ZNF273: variants seen among roughly 807,000 people sequenced by gnomAD.
The protein encoded by ZNF273 is zinc finger protein 9.
In ZNF273, 11 loss-of-function variants were observed where a neutral mutation model predicts 14.9. The observed-to-expected ratio is 0.74, with a 90% CI of 0.46 to 1.22. ZNF273 has a LOEUF of 1.22. ZNF273 is among the 50% of genes most tolerant of loss of function. The pLI is 0.00. For synonymous variants in ZNF273, 199 were observed against 223.9 expected, an observed-to-expected ratio of 0.89 and a Z score of 0.99; for missense variants, 577 against 660.6, an observed-to-expected ratio of 0.87 and a Z score of 1.39.
chr7:64,915,148 A>G (rs780806697), intron 1 of ZNF273, among the ~76,000 whole-genome samples: 5 of 152,100 alleles, frequency 3.3e-5, no homozygotes, highest in African/African-American at 9.7e-5. Context: ...CTTTCTCTAC[A>G]TCGTGGCTTC....
chr7:64,909,116 ATGT>A (rs1182241553), intron 1 of ZNF273, among the ~76,000 whole-genome samples: 1 of 151,892 alleles, frequency 6.6e-6, no homozygotes, highest in African/African-American at 2.4e-5. Flanking sequence ...GGGTTTTGCC[ATGT>A]TGTCCCAGGC....
intron 3 of ZNF273, chr7:64,923,545 T>C (rs1254973488): frequency 5.8e-6 from 2 of 345,562 alleles, no homozygotes; most frequent in Non-Finnish European, 1.1e-5. Context: ...TTTCACCATG[T>C]TGGCCAGGCT....
chr7:64,889,156 G>A (rs535615955), downstream of ZNF273: 174 of 985,950 alleles, frequency 1.8e-4, no homozygotes, highest in Middle Eastern at 5.2e-3. This position sits in a 1 kb window ranked among gnomAD's most constrained non-coding sequence, Gnocchi z 4.2. Context: ...CGCCCGGGCT[G>A]AGCTGAGCTC....
intron 3 of ZNF273, among the ~76,000 whole-genome samples, chr7:64,926,150 C>CTT (rs755107397): frequency 1.2e-4 from 12 of 103,872 alleles, no homozygotes; most frequent in Non-Finnish European, 1.9e-4. Context: ...CACTTGGCAG[C>CTT]TTTTTTTTTT....
rs2129026727 is a variant in ZNF273 at position 64,878,720 on chromosome 7, T to G, written n.330+225T>G. On this transcript the variant is annotated intron_variant and non_coding_transcript_variant, in intron 2 of 2. Coordinates refer to the ZNF273 transcript ENST00000465954. ...TCTGGCCGGCTCTTCCTTTGGACTTTCATTCCCGGAGCCACATGGCAGTGG... is the reference window on the plus strand; with the variant it reads ...TCTGGCCGGCTCTTCCTTTGGACTTGCATTCCCGGAGCCACATGGCAGTGG... Among the ~76,000 whole-genome samples, 3 of 152,350 alleles carry G rather than the reference T, an allele frequency of 2.0e-5. No homozygotes were observed. In the East Asian group the frequency reaches 5.8e-4, roughly 29 times the overall value.
Position 64,927,851 on chromosome 7 carries a change from A to G in ZNF273, c.523A>G (p.Ser175Gly). The G allele has an allele frequency of 6.2e-7, 1 of 1,614,058 alleles. No individual in the cohort carries two copies. Among genetic ancestry groups the G allele is most frequent in the Non-Finnish European group, 8.5e-7 (1 of 1,179,962 alleles). ...TAACCAATGTTTGACAACTACCCAGAGCAAAATATTTCAATGTGATAAATA... is the reference window on the plus strand; with the variant it reads ...TAACCAATGTTTGACAACTACCCAGGGCAAAATATTTCAATGTGATAAATA... ...GLNQCLTTTQ[S>G]KIFQCDKYVK... Residue 175 changes from serine to glycine, a missense_variant, in exon 4 of 4, where the codon AGC (serine) becomes GGC (glycine). Physicochemically the swap from Ser to Gly is moderately conservative, Grantham distance 56. Coordinates refer to ENST00000476120, the MANE Select transcript of ZNF273 (RefSeq NM_021148.3).
chr7:64,888,176 G>A lies in ZNF273; in HGVS notation n.274-397G>A, dbSNP rs769635245. Among the ~76,000 whole-genome samples the A allele has an allele frequency of 4.6e-5, 7 of 152,194 alleles. No individual in the cohort carries two copies. The South Asian group carries it at 1.2e-3, about 27-fold the overall frequency. On this transcript the variant is annotated intron_variant and non_coding_transcript_variant, in intron 1 of 1. Transcript: ENST00000471926. The stretch of plus-strand genomic sequence containing the variant: ...CTTCTTCCACCTGGGGAGCCCCCGG[G>A]GCCCTCATTTCACCCCATTCCCTGA...
intron 1 of ZNF273, among the ~76,000 whole-genome samples, chr7:64,885,697 G>C (rs1213683894): frequency 6.6e-6 from 1 of 152,186 alleles, no homozygotes; most frequent in Admixed American, 6.5e-5. Context: ...TGATGCAGGA[G>C]GGACAGGGTC....
At chr7:64,912,931 T>C (rs1241271506) in intron 1 of ZNF273, among the ~76,000 whole-genome samples, 1 of 149,900 alleles carries the variant, frequency 6.7e-6, no homozygotes, top group Non-Finnish European at 1.5e-5. Flanking sequence ...TGGGTTCAAG[T>C]GATTCTCTTG....
downstream of ZNF273, among the ~76,000 whole-genome samples, chr7:64,893,098 T>A (rs1022421838): frequency 3.0e-5 from 3 of 101,094 alleles, no homozygotes; most frequent in Non-Finnish European, 4.0e-5. Flanking sequence ...TTCAGGCTGA[T>A]CTTTGTTAGT....
chr7:64,904,544 C>T (rs1362725013), intron 1 of ZNF273, among the ~76,000 whole-genome samples: 1 of 152,162 alleles, frequency 6.6e-6, no homozygotes, highest in Admixed American at 6.6e-5. Context: ...AGACTACTCC[C>T]CACCCCCAAT....
intron 1 of ZNF273, among the ~76,000 whole-genome samples, chr7:64,910,670 T>C (rs1269899767): frequency 6.6e-6 from 1 of 152,124 alleles, no homozygotes; most frequent in Non-Finnish European, 1.5e-5. Flanking sequence ...TATTCAAGTT[T>C]TGTTTGTTTT....
intron 1 of ZNF273, among the ~76,000 whole-genome samples, chr7:64,887,643 G>A (rs7455565): frequency 0.44 from 62,977 of 142,450 alleles, 13,277 homozygotes; most frequent in South Asian, 0.5. Flanking sequence ...GATTACAGGC[G>A]CCCGCCACTA....
chr7:64,928,330 T>G lies in ZNF273; in HGVS notation c.1002T>G (p.Thr334=), dbSNP rs752962691. ...GKGFSIFSTL[T]KHKIIHTGEK... ...GCTTTAGTATATTCTCAACCCTTAC[T>G]AAACATAAGATAATTCATACTGGAG... Residue 334 remains threonine, a synonymous_variant, in exon 4 of 4, where the codon ACT becomes ACG. Coordinates refer to ENST00000476120, the MANE Select transcript of ZNF273 (RefSeq NM_021148.3). The G allele has an allele frequency of 6.2e-7, 1 of 1,613,722 alleles. No homozygotes were observed.
chr7:64,926,893 T>C (rs962100269), intron 3 of ZNF273, among the ~76,000 whole-genome samples: 44 of 152,328 alleles, frequency 2.9e-4, no homozygotes, highest in African/African-American at 8.9e-4. Context: ...TTGTCTGTGG[T>C]ACTGCAGTTT....
chr7:64,910,195 A>G (rs1035051873), intron 1 of ZNF273, among the ~76,000 whole-genome samples: 1 of 151,504 alleles, frequency 6.6e-6, no homozygotes, highest in African/African-American at 2.4e-5. Flanking sequence ...TTATTTGTCC[A>G]TTTCTGCTTT....
In ZNF273 at chr7:64,903,495, A is replaced by C. The variant is rs576159059; in HGVS notation, c.102+76A>C. On this transcript the variant is annotated intron_variant, in intron 1 of 3. Coordinates refer to ENST00000476120, the MANE Select transcript of ZNF273 (RefSeq NM_021148.3). Reference sequence around the variant, plus strand: ...ACTGGTGGGAAGTGGATGTGGCGAGACTCCGGCCTCCCTGCAGTAGACTCC... The same window carrying C: ...ACTGGTGGGAAGTGGATGTGGCGAGCCTCCGGCCTCCCTGCAGTAGACTCC... The C allele has an allele frequency of 5.7e-5, 80 of 1,405,712 alleles. No individual in the cohort carries two copies. In the African/African-American group the frequency reaches 7.5e-4, roughly 13 times the overall value. 87.1% of individuals were successfully genotyped at this position (1,405,712 alleles called of 1,614,324 possible).
intron 3 of ZNF273, among the ~76,000 whole-genome samples, chr7:64,920,502 A>G (rs1439243612): frequency 6.6e-6 from 1 of 152,118 alleles, no homozygotes; most frequent in Non-Finnish European, 1.5e-5. Context: ...ATGGCTATAA[A>G]TGCATGTCTT....
chr7:64,921,604 G>GTTTTT (rs1562963033), intron 3 of ZNF273, among the ~76,000 whole-genome samples: 5 of 54,120 alleles, frequency 9.2e-5, no homozygotes, highest in Non-Finnish European at 7.8e-5. Context: ...TCATGCTAAT[G>GTTTTT]CTTTTTTTTT....
Sources: allele counts gnomAD v4.1 joint callset (sites outside exome capture counted in the v4.1 genomes callset), GRCh38; gene constraint gnomAD v4.1.1; non-coding constraint Gnocchi (gnomAD v3.1); transcripts MANE v1.5; gene names NCBI Gene and HGNC (gene_info 2026-07-23, HGNC 2026-07-21).